The following ARG2 variants were observed in gnomAD, a reference collection of about 807,000 sequenced individuals.
ARG2 encodes the protein arginase-2, mitochondrial.
A neutral mutation model predicts 39.4 loss-of-function variants in ARG2; 21 were observed. The observed-to-expected ratio is 0.53, with a 90% CI of 0.38 to 0.77. ARG2 has a LOEUF of 0.77. Among genes scored for constraint, ARG2 ranks in the 30% least tolerant of loss-of-function variants. The pLI is 0.00. For missense variants in ARG2, 378 were observed against 426.2 expected, an observed-to-expected ratio of 0.89 and a Z score of 1.00; for synonymous variants, 150 against 156.7, an observed-to-expected ratio of 0.96 and a Z score of 0.32.
chr14:67,650,679 G>T (rs1260813067), intron 7 of ARG2, 36 bp from the exon 8 acceptor site: 12 of 1,599,734 alleles, frequency 7.5e-6, no homozygotes, highest in Non-Finnish European at 1.0e-5. Flanking sequence ...GTAGCAGCAA[G>T]GGAACCTGAG....
At chr14:67,645,029 TAATA>T (rs1464114920) in intron 3 of ARG2, among the ~76,000 whole-genome samples, 3 of 151,762 alleles carry the variant, frequency 2.0e-5, no homozygotes, top group East Asian at 1.9e-4. Flanking sequence ...AATGCCATGC[TAATA>T]TATATAAGGT....
chr14:67,635,474 C>G (rs1489239746), intron 2 of ARG2, among the ~76,000 whole-genome samples: 1 of 152,222 alleles, frequency 6.6e-6, no homozygotes, highest in Non-Finnish European at 1.5e-5. Context: ...GTTTAGACTT[C>G]TAGTAACATT....
chr14:67,640,692 C>T (rs1011461107), intron 2 of ARG2, among the ~76,000 whole-genome samples: 1 of 152,174 alleles, frequency 6.6e-6, no homozygotes, highest in African/African-American at 2.4e-5. Context: ...TAATCTATGT[C>T]AATGTTCTGT....
At chr14:67,628,151 T>C (rs930779146) in intron 2 of ARG2, among the ~76,000 whole-genome samples, 1 of 152,220 alleles carries the variant, frequency 6.6e-6, no homozygotes, top group Non-Finnish European at 1.5e-5. Context: ...TCACCTGGAA[T>C]GTCACTAATA....
intron 2 of ARG2, among the ~76,000 whole-genome samples, chr14:67,639,026 A>T (rs1479775453): frequency 2.7e-5 from 4 of 150,862 alleles, no homozygotes; most frequent in African/African-American, 1.0e-4. Context: ...TAATCTGATG[A>T]ACCCCCGACA....
At position 67,642,171 on chromosome 14, in the gene ARG2, C is replaced by G. The variant is rs2037039054; in HGVS notation, c.185-15C>G. The G allele has an allele frequency of 1.9e-6, 3 of 1,611,886 alleles. No homozygotes were observed. ...GCACAGAAAATTCATCTTGTCATCC[C>G]TCATTTGCTTCCAGGCTGCCACCTA... On this transcript the variant is annotated splice_polypyrimidine_tract_variant and intron_variant, in intron 2 of 7. Coordinates refer to ENST00000261783, the MANE Select transcript of ARG2 (RefSeq NM_001172.4).
At chr14:67,648,526 T>G (rs2037130894) in intron 7 of ARG2, 1 of 173,616 alleles carries the variant, frequency 5.8e-6, no homozygotes. Context: ...AGTGCAAGGC[T>G]GTAATTTGCA....
chr14:67,643,909 C>G (rs931710657), intron 3 of ARG2, among the ~76,000 whole-genome samples: 3 of 148,724 alleles, frequency 2.0e-5, no homozygotes, highest in Non-Finnish European at 4.4e-5. Flanking sequence ...AACGGTCACA[C>G]CCAGGTTCCC....
chr14:67,629,495 C>T (rs2036897686), intron 2 of ARG2, among the ~76,000 whole-genome samples: 1 of 152,054 alleles, frequency 6.6e-6, no homozygotes, highest in Admixed American at 6.6e-5. Flanking sequence ...TTTATAAAAA[C>T]AAAGTGGAAT....
chr14:67,639,852 G>A (rs1040510775), intron 2 of ARG2, among the ~76,000 whole-genome samples: 2 of 148,520 alleles, frequency 1.3e-5, no homozygotes, highest in African/African-American at 5.0e-5. Flanking sequence ...TTGAATCCAG[G>A]AAGTGGAGGT....
At chr14:67,623,176 T>G (rs1002476528) in intron 2 of ARG2, among the ~76,000 whole-genome samples, 9 of 152,232 alleles carry the variant, frequency 5.9e-5, no homozygotes, top group African/African-American at 2.2e-4. Context: ...TAAATAAAAC[T>G]GTGGCTCTCA....
Position 67,619,926 on chromosome 14 carries a change from G to A in ARG2, c.-52G>A. 18 of 1,305,356 alleles carry A rather than the reference G, an allele frequency of 1.4e-5. No individual in the cohort carries two copies. Among genetic ancestry groups the A allele is most frequent in the Non-Finnish European group, 1.9e-5 (18 of 968,130 alleles). 80.9% of individuals were successfully genotyped at this position (1,305,356 alleles called of 1,614,324 possible). A position where few individuals can be genotyped will look rare whatever the true frequency, so the allele number is the denominator to read the frequency against. The stretch of plus-strand genomic sequence containing the variant: ...GCGGCGGGCGGTGGCGCTCACTCCC[G>A]GCTTCCAACCGCGCGGAGCCTCTGC... On this transcript the variant is annotated 5_prime_UTR_variant, in exon 1 of 8. Coordinates refer to ENST00000261783, the MANE Select transcript of ARG2 (RefSeq NM_001172.4).
chr14:67,631,430 C>CTTTTTTTTTT (rs1447220086), intron 2 of ARG2, among the ~76,000 whole-genome samples: 14 of 128,474 alleles, frequency 1.1e-4, no homozygotes, highest in South Asian at 2.5e-4. Context: ...TCCTTTCTTT[C>CTTTTTTTTTT]TTTCTTTTTT....
intron 2 of ARG2, among the ~76,000 whole-genome samples, chr14:67,634,291 G>A (rs1439370729): frequency 2.0e-5 from 3 of 151,962 alleles, no homozygotes; most frequent in Non-Finnish European, 4.4e-5. Flanking sequence ...TTTAACTCTT[G>A]CAAGCTAAAT....
At chr14:67,643,563 C>A (rs2037059388) in intron 3 of ARG2, among the ~76,000 whole-genome samples, 1 of 152,194 alleles carries the variant, frequency 6.6e-6, no homozygotes, top group Non-Finnish European at 1.5e-5. Flanking sequence ...GTGGTGCATG[C>A]CTGCAGGCCC....
At chr14:67,626,961 G>A (rs567919200) in intron 2 of ARG2, among the ~76,000 whole-genome samples, 1 of 152,268 alleles carries the variant, frequency 6.6e-6, no homozygotes, top group East Asian at 1.9e-4. Context: ...AAAGAAGGCA[G>A]ACACAGAAGG....
chr14:67,628,066 G>A (rs915198410), intron 2 of ARG2, among the ~76,000 whole-genome samples: 1 of 152,172 alleles, frequency 6.6e-6, no homozygotes, highest in Non-Finnish European at 1.5e-5. Flanking sequence ...CTTGGGGGAT[G>A]GGCCACCTGT....
chr14:67,640,751 T>G (rs1228041291), intron 2 of ARG2, among the ~76,000 whole-genome samples: 1 of 152,214 alleles, frequency 6.6e-6, no homozygotes, highest in Non-Finnish European at 1.5e-5. Context: ...TATTTAGTCC[T>G]CATCCTAAAT....
In ARG2 at chr14:67,642,167, A is replaced by G. The variant is rs181223527; in HGVS notation, c.185-19A>G. On this transcript the variant is annotated intron_variant, in intron 2 of 7. Coordinates refer to ENST00000261783, the MANE Select transcript of ARG2 (RefSeq NM_001172.4). The stretch of plus-strand genomic sequence containing the variant: ...GATAGCACAGAAAATTCATCTTGTC[A>G]TCCCTCATTTGCTTCCAGGCTGCCA... The G allele has an allele frequency of 1.6e-5, 26 of 1,610,944 alleles. No individual in the cohort carries two copies. In the East Asian group the frequency reaches 2.0e-4, roughly 12 times the overall value.
Sources: gnomAD v4.1 joint callset for allele counts (sites outside exome capture counted in the v4.1 genomes callset) on GRCh38, gnomAD v4.1.1 for gene constraint, MANE v1.5 for transcripts, NCBI Gene and HGNC (gene_info 2026-07-23, HGNC 2026-07-21) for gene names.